FAM120B: variants seen among roughly 807,000 people sequenced by gnomAD.
FAM120B encodes the protein constitutive coactivator of peroxisome proliferator-activated receptor gamma.
Under a neutral mutation model 96.3 loss-of-function variants are expected in FAM120B, and 83 were observed. The observed-to-expected ratio is 0.86, with a 90% CI of 0.72 to 1.03. The LOEUF is 1.03. Ranked by LOEUF, FAM120B falls within the 50% of genes least tolerant of loss-of-function variation. The pLI, the probability that FAM120B is intolerant of heterozygous loss-of-function variation, is 0.00. For missense variants in FAM120B, 1,027 were observed against 1,121.2 expected (o/e 0.92, Z 1.20); for synonymous variants, 407 against 402.7 (o/e 1.01, Z -0.13).
chr6:170,296,084 G>A (rs1321462601), intron 1 of FAM120B, among the ~76,000 whole-genome samples: 1 of 152,178 alleles, frequency 6.6e-6, no homozygotes, highest in African/African-American at 2.4e-5. Flanking sequence ...CCTGCGGCCG[G>A]AGCACCGGCG....
At chr6:170,313,008 C>G (rs1784680370) in intron 1 of FAM120B, among the ~76,000 whole-genome samples, 1 of 152,126 alleles carries the variant, frequency 6.6e-6, no homozygotes, top group Non-Finnish European at 1.5e-5. Flanking sequence ...GAGAGGAGGG[C>G]TCAAGGCCCT....
chr6:170,323,155 G>C lies in FAM120B; in HGVS notation c.1811G>C (p.Ser604Thr). 1 of 1,614,112 alleles carries C rather than the reference G, an allele frequency of 6.2e-7. No homozygotes were observed. Among genetic ancestry groups the C allele is most frequent in the Non-Finnish European group, 8.5e-7 (1 of 1,179,998 alleles). The change falls in exon 3 of 11, where the codon AGC becomes ACC. Residue 604 changes from serine (S) to threonine (T), a missense_variant. Coordinates refer to ENST00000476287, the MANE Select transcript of FAM120B (RefSeq NM_032448.3). ...NIMSSGEIEC[S>T]NTLEDELDQA... is the part of the protein sequence containing the mutation. ...ATGAGCAGTGGAGAGATTGAATGCA[G>C]CAACACCCTAGAAGATGAGCTTGAC... is the stretch of plus-strand genomic sequence containing the variant.
At chr6:170,299,732 A>G (rs1420088087) in intron 1 of FAM120B, among the ~76,000 whole-genome samples, 2 of 152,252 alleles carry the variant, frequency 1.3e-5, no homozygotes, top group African/African-American at 2.4e-5. Flanking sequence ...CTGATTCACT[A>G]TCTGACTATG....
intron 6 of FAM120B, among the ~76,000 whole-genome samples, chr6:170,368,822 G>GGGGT (rs1788980650): frequency 7.9e-6 from 1 of 126,176 alleles, no homozygotes; most frequent in Non-Finnish European, 1.8e-5. Flanking sequence ...GCCGGGGCTG[G>GGGGT]GGGGGGGGCT....
intron 6 of FAM120B, among the ~76,000 whole-genome samples, chr6:170,369,019 G>A (rs1789000559): frequency 6.8e-6 from 1 of 147,548 alleles, no homozygotes; most frequent in Non-Finnish European, 1.5e-5. Context: ...TTCAGCATAA[G>A]AAATTTTGGA....
intron 6 of FAM120B, among the ~76,000 whole-genome samples, chr6:170,361,198 G>T (rs200235997): frequency 1.2e-4 from 8 of 66,026 alleles, no homozygotes; most frequent in African/African-American, 5.0e-4. Flanking sequence ...ATATATACGT[G>T]TATATATATA....
At chr6:170,401,976 C>A (rs1778606685) in intron 9 of FAM120B, among the ~76,000 whole-genome samples, 1 of 152,368 alleles carries the variant, frequency 6.6e-6, no homozygotes, top group East Asian at 1.9e-4. Context: ...GAGGCACTCT[C>A]TCTTCCCCGA....
chr6:170,335,491 A>G (rs1022451004), intron 4 of FAM120B, among the ~76,000 whole-genome samples: 39 of 152,090 alleles, frequency 2.6e-4, no homozygotes, highest in Admixed American at 2.6e-3. Flanking sequence ...AAGCCTTGCT[A>G]TTGTAAATAG....
chr6:170,319,276 G>A, intron 2 of FAM120B, 152 bp downstream of exon 2: 1 of 695,142 alleles, frequency 1.4e-6, no homozygotes, highest in East Asian at 2.7e-5. Context: ...GACGTTATAT[G>A]TGTGGAAACT....
At chr6:170,360,073 A>G (rs550447458) in intron 6 of FAM120B, among the ~76,000 whole-genome samples, 1 of 152,182 alleles carries the variant, frequency 6.6e-6, no homozygotes, top group East Asian at 1.9e-4. Context: ...TCCCTGTCAG[A>G]AGAATTAAAC....
At chr6:170,396,891 C>A (rs1292809567) in intron 9 of FAM120B, among the ~76,000 whole-genome samples, 1 of 152,266 alleles carries the variant, frequency 6.6e-6, no homozygotes, top group Non-Finnish European at 1.5e-5. Flanking sequence ...TAGACTCAGA[C>A]TGAAGCCTGG....
chr6:170,388,359 G>C lies in FAM120B; in HGVS notation c.2356G>C (p.Val786Leu). The change falls in exon 7 of 11, where the codon GTC becomes CTC. Residue 786 changes from valine to leucine, a missense_variant. Val to Leu is a conservative substitution (Grantham distance 32). Transcript: ENST00000476287. ...CCGCGGCCTCACCACTCTGGTTTTA[G>C]TCAACAGCGCATGTGGCTTCCCCTG... The part of the protein sequence containing the change: ...LVRGLTTLVL[V>L]NSACGFPWKT... The C allele has an allele frequency of 1.2e-6, 2 of 1,614,166 alleles. No individual in the cohort carries two copies. The highest frequency in any genetic ancestry group is 1.7e-6 in the Non-Finnish European group (2 of 1,180,028).
chr6:170,363,814 G>C lies in FAM120B; in HGVS notation c.2283+5496G>C, dbSNP rs1426805966. 6.6e-6 allele frequency among the ~76,000 whole-genome samples: 1 copy of C among 152,112 alleles called. No homozygotes were observed. The highest frequency in any genetic ancestry group is 1.9e-4 in the East Asian group (1 of 5,182). ...GAGTCTCACCCTGTCACCCAGGCTAGAGTGCAGTGGCGCGAACTCAGCTCA... is the reference window on the plus strand; with the variant it reads ...GAGTCTCACCCTGTCACCCAGGCTACAGTGCAGTGGCGCGAACTCAGCTCA... On this transcript the variant is annotated intron_variant, in intron 6 of 10. Transcript: ENST00000476287. The surrounding 1 kb of genome is among the most constrained non-coding windows in gnomAD (Gnocchi z 4.5).
chr6:170,390,478 GA>G (rs933990548), intron 7 of FAM120B, among the ~76,000 whole-genome samples: 158 of 145,470 alleles, frequency 1.1e-3, no homozygotes, highest in African/African-American at 2.8e-3. Flanking sequence ...TCTAGTTTGG[GA>G]AAAAAAAAAA....
At chr6:170,292,514 A>G (rs1219167637), upstream of FAM120B, among the ~76,000 whole-genome samples, 1 of 152,208 alleles carries the variant, frequency 6.6e-6, no homozygotes, top group Non-Finnish European at 1.5e-5. This position sits in a 1 kb window ranked among gnomAD's most constrained non-coding sequence, Gnocchi z 6.6. Context: ...GCCTGGCCAC[A>G]GTGTCCTCAC....
intron 6 of FAM120B, among the ~76,000 whole-genome samples, chr6:170,367,040 T>TA (rs1316467560): frequency 1.3e-5 from 2 of 152,216 alleles, no homozygotes; most frequent in African/African-American, 4.8e-5. Context: ...TAACCTAGAA[T>TA]AAGTCACTTT....
At position 170,405,627 on chromosome 6, in the gene FAM120B, T is replaced by TAGA. The variant is rs1778777101; in HGVS notation, c.*876_*877insAGA. 1 of 152,256 alleles carries TAGA rather than the reference T, an allele frequency of 6.6e-6. No individual in the cohort carries two copies. The highest frequency in any genetic ancestry group is 2.1e-4 in the South Asian group (1 of 4,834). The allele number at this position is 152,256 out of a possible 1,614,324, so 9.4% of individuals were successfully genotyped here. On this transcript the variant is annotated 3_prime_UTR_variant, in exon 11 of 11. Coordinates refer to ENST00000476287, the MANE Select transcript of FAM120B (RefSeq NM_032448.3). ...ATTCTTTTCTAATCAGAAATTCTAATCAAACATAAGTTTCCAACTATGTGT... is the reference window on the plus strand; with the variant it reads ...ATTCTTTTCTAATCAGAAATTCTAATAGACAAACATAAGTTTCCAACTATGTGT...
chr6:170,357,159 C>T (rs183744219), intron 5 of FAM120B, among the ~76,000 whole-genome samples: 244 of 152,212 alleles, frequency 1.6e-3, no homozygotes, highest in Non-Finnish European at 2.5e-3. Flanking sequence ...TTTCTTTTTC[C>T]GCGAGCCTTT....
At chr6:170,344,648 A>C (rs546622462) in intron 4 of FAM120B, among the ~76,000 whole-genome samples, 1 of 152,234 alleles carries the variant, frequency 6.6e-6, no homozygotes, top group Non-Finnish European at 1.5e-5. Context: ...CACCTGGGCA[A>C]GTCCGTAGAT....
Sources: gnomAD v4.1 joint callset for allele counts (sites outside exome capture counted in the v4.1 genomes callset) on GRCh38, gnomAD v4.1.1 for gene constraint, Gnocchi (gnomAD v3.1) non-coding constraint, MANE v1.5 for transcripts, NCBI Gene and HGNC (gene_info 2026-07-23, HGNC 2026-07-21) for gene names.